Variants in LRRC7 observed in about 807,000 individuals in gnomAD.
LRRC7 encodes leucine rich repeat containing 7.
LRRC7 carries 23 observed loss-of-function variants against 175.7 expected under a neutral mutation model. The ratio of observed to expected loss-of-function variants is 0.13; its 90% CI spans 0.09 to 0.19. LRRC7 has a LOEUF of 0.19. Among genes scored for constraint, LRRC7 ranks in the 10% least tolerant of loss-of-function variants. The pLI is 1.00. For synonymous variants in LRRC7, 685 were observed against 680.9 expected, an observed-to-expected ratio of 1.01 and a Z score of -0.09; for missense variants, 1,354 against 1,904.7, an observed-to-expected ratio of 0.71 and a Z score of 5.38.
chr1:69,765,542 TAGAC>T (rs1259311316), intron 3 of LRRC7, among the ~76,000 whole-genome samples: 7 of 152,100 alleles, frequency 4.6e-5, no homozygotes, highest in African/African-American at 1.7e-4. Flanking sequence ...ATTTAAAGGA[TAGAC>T]CATTATATTA....
At chr1:69,592,409 TA>T (rs998364028) in intron 1 of LRRC7, among the ~76,000 whole-genome samples, 1 of 152,078 alleles carries the variant, frequency 6.6e-6, no homozygotes, top group African/African-American at 2.4e-5. Context: ...TGAGTGCATA[TA>T]TTTTTTTTAC....
chr1:69,583,492 T>C (rs775150966), intron 1 of LRRC7, among the ~76,000 whole-genome samples: 3 of 152,092 alleles, frequency 2.0e-5, no homozygotes, highest in East Asian at 3.9e-4. Flanking sequence ...ATTTTTATAA[T>C]TGGGGACTGC....
At chr1:69,803,068 A>G (rs946007479) in intron 4 of LRRC7, among the ~76,000 whole-genome samples, 10 of 151,254 alleles carry the variant, frequency 6.6e-5, no homozygotes, top group Non-Finnish European at 4.4e-5. Flanking sequence ...TACCTCTTTT[A>G]TATACAAAAA....
At chr1:69,936,067 TG>T (rs1647984763) in intron 8 of LRRC7, among the ~76,000 whole-genome samples, 1 of 152,172 alleles carries the variant, frequency 6.6e-6, no homozygotes, top group Non-Finnish European at 1.5e-5. Context: ...CCTTTCCACA[TG>T]GATATGAGTA....
chr1:69,624,722 T>C (rs569770509), intron 1 of LRRC7, among the ~76,000 whole-genome samples: 5 of 152,154 alleles, frequency 3.3e-5, no homozygotes, highest in Admixed American at 6.5e-5. Flanking sequence ...TTGTCCAATA[T>C]GACTATCCAA....
chr1:69,849,137 C>T (rs1682696350), intron 7 of LRRC7, among the ~76,000 whole-genome samples: 1 of 151,866 alleles, frequency 6.6e-6, no homozygotes. Context: ...AATAAATGCA[C>T]TATAATTTTA....
intron 18 of LRRC7, among the ~76,000 whole-genome samples, chr1:70,032,889 C>T (rs1658909740): frequency 6.6e-6 from 1 of 152,088 alleles, no homozygotes; most frequent in Non-Finnish European, 1.5e-5. Flanking sequence ...TTTCTGTCTC[C>T]TCACCAGAAA....
At chr1:69,746,353 G>A (rs527456374) in intron 2 of LRRC7, among the ~76,000 whole-genome samples, 1 of 151,852 alleles carries the variant, frequency 6.6e-6, no homozygotes, top group Admixed American at 6.6e-5. Flanking sequence ...TATGTGCATG[G>A]CTCAAAAACA....
intron 11 of LRRC7, among the ~76,000 whole-genome samples, chr1:69,998,264 C>T (rs1428526888): frequency 6.6e-6 from 1 of 152,110 alleles, no homozygotes; most frequent in Non-Finnish European, 1.5e-5. Flanking sequence ...ATGTCTGTTA[C>T]CTCTCCCCCA....
At chr1:69,909,130 TC>T (rs1221791809) in intron 7 of LRRC7, among the ~76,000 whole-genome samples, 10 of 152,142 alleles carry the variant, frequency 6.6e-5, no homozygotes, top group African/African-American at 2.4e-4. Context: ...TGGTAGATCT[TC>T]CTCCATCCTT....
chr1:69,838,882 T>C, intron 7 of LRRC7, among the ~76,000 whole-genome samples: 1 of 151,998 alleles, frequency 6.6e-6, no homozygotes, highest in South Asian at 2.1e-4. Flanking sequence ...TAAAATGCTT[T>C]GTTTCACCCA....
At chr1:69,822,420 G>A (rs1327143514) in intron 4 of LRRC7, among the ~76,000 whole-genome samples, 1 of 152,168 alleles carries the variant, frequency 6.6e-6, no homozygotes, top group Non-Finnish European at 1.5e-5. Flanking sequence ...CACAGGTGAG[G>A]CATACCGAAC....
intron 7 of LRRC7, among the ~76,000 whole-genome samples, chr1:69,910,432 A>T (rs1262651713): frequency 6.6e-6 from 1 of 152,018 alleles, no homozygotes; most frequent in East Asian, 1.9e-4. Flanking sequence ...GGTCTGTTGG[A>T]GTTTGCTAGA....
chr1:69,737,262 T>C (rs1003556833), intron 2 of LRRC7, among the ~76,000 whole-genome samples: 11 of 152,086 alleles, frequency 7.2e-5, no homozygotes, highest in Middle Eastern at 3.4e-3. Context: ...ATCATGCCAA[T>C]GGGTTTTTCC....
At chr1:69,844,712 T>C (rs1296282121) in intron 7 of LRRC7, among the ~76,000 whole-genome samples, 1 of 152,098 alleles carries the variant, frequency 6.6e-6, no homozygotes, top group African/African-American at 2.4e-5. Flanking sequence ...AGAAGTGGGA[T>C]TGCTGGATCA....
At chr1:70,103,875 T>C (rs925149254) in intron 25 of LRRC7, among the ~76,000 whole-genome samples, 5 of 152,204 alleles carry the variant, frequency 3.3e-5, no homozygotes, top group African/African-American at 1.2e-4. Context: ...AGTTTTATGA[T>C]AAAGTTTTAT....
At position 69,781,679 on chromosome 1, in the gene LRRC7, C is replaced by CAAA. The variant is rs201837300; in HGVS notation, c.304-10358_304-10356dup. Among the ~76,000 whole-genome samples the CAAA allele has an allele frequency of 4.1e-3, 294 of 72,090 alleles. 16 individuals carry two copies. Among genetic ancestry groups the CAAA allele is most frequent in the African/African-American group, 0.02 (283 of 14,188 alleles). The allele number at this position is 72,090 out of a possible 152,430, so 47.3% of individuals were successfully genotyped here. A position where few individuals can be genotyped will look rare whatever the true frequency, so the allele number is the denominator to read the frequency against. On this transcript the variant is annotated intron_variant, in intron 3 of 26. Coordinates refer to ENST00000651989, the MANE Select transcript of LRRC7 (RefSeq NM_001370785.2). ...CCTGGGAGACAGAGCAAGACTGTCTCAAAAAAAAGAAGAAAGAAAGAAAGA... is the reference window on the plus strand; with the variant it reads ...CCTGGGAGACAGAGCAAGACTGTCTCAAAAAAAAAAAGAAGAAAGAAAGAAAGA...
chr1:69,738,680 A>G (rs572270130), intron 2 of LRRC7, among the ~76,000 whole-genome samples: 1 of 152,202 alleles, frequency 6.6e-6, no homozygotes, highest in South Asian at 2.1e-4. Flanking sequence ...TTCAAAATCA[A>G]CATAGTTGGG....
chr1:69,704,474 C>T (rs148765080), intron 2 of LRRC7, among the ~76,000 whole-genome samples: 3 of 151,898 alleles, frequency 2.0e-5, no homozygotes, highest in African/African-American at 4.8e-5. Flanking sequence ...TAGTGACTTC[C>T]GTTGTAAGTT....
Sources: allele counts gnomAD v4.1 joint callset (sites outside exome capture counted in the v4.1 genomes callset), GRCh38; gene constraint gnomAD v4.1.1; transcripts MANE v1.5; gene names NCBI Gene and HGNC (gene_info 2026-07-23, HGNC 2026-07-21).